The following ELL variants were observed in gnomAD, a reference collection of about 807,000 sequenced individuals.
ELL encodes the protein RNA polymerase II elongation factor ELL.
A neutral mutation model predicts 64.0 loss-of-function variants in ELL; 18 were observed. The ratio of observed to expected loss-of-function variants is 0.28; its 90% CI spans 0.19 to 0.42. The LOEUF (loss-of-function observed/expected upper bound fraction) is 0.42. ELL is among the 10% of genes least tolerant of loss of function. The probability of loss-of-function intolerance (pLI) is 1.00; values close to 1 mark genes in which losing one functional copy is unlikely to be tolerated. For missense variants in ELL, 797 were observed against 870.4 expected, an observed-to-expected ratio of 0.92 and a Z score of 1.06; for synonymous variants, 399 against 376.2, an observed-to-expected ratio of 1.06 and a Z score of -0.70.
intron 1 of ELL, among the ~76,000 whole-genome samples, chr19:18,520,467 C>T (rs940821910): frequency 6.6e-6 from 1 of 151,846 alleles, no homozygotes; most frequent in East Asian, 1.9e-4. Context: ...TGACAAGGTG[C>T]GAACTTGCTC....
chr19:18,468,922 T>C (rs1328001100), intron 2 of ELL, among the ~76,000 whole-genome samples: 2 of 152,222 alleles, frequency 1.3e-5, no homozygotes, highest in Admixed American at 6.5e-5. Flanking sequence ...CCCCCCTGCC[T>C]GAGCCTGCCC....
Position 18,465,779 on chromosome 19 carries a change from G to T in ELL, c.305+18C>A, listed in dbSNP as rs1016246424. On this transcript the variant is annotated intron_variant, in intron 3 of 11. Transcript: ENST00000262809. The stretch of plus-strand genomic sequence containing the variant: ...CTCAAGAGCCGGCGGGGTGCTCTGG[G>T]GTGGGGCGGCGCCTCACCTGGAGAC... The T allele has an allele frequency of 2.8e-6, 4 of 1,425,118 alleles. No homozygotes were observed. In the African/African-American group the frequency reaches 5.9e-5, roughly 21 times the overall value. The allele number at this position is 1,425,118 out of a possible 1,614,324, so 88.3% of individuals were successfully genotyped here.
chr19:18,445,137 C>A, intron 11 of ELL, 87 bp downstream of exon 11: 3 of 1,542,290 alleles, frequency 1.9e-6, no homozygotes, highest in South Asian at 1.1e-5. Context: ...TTGGAAGTAG[C>A]GGGCAGGGAG....
intron 10 of ELL, 148 bp from the exon 11 acceptor site, chr19:18,445,416 A>G (rs988012222): frequency 1.2e-6 from 1 of 804,904 alleles, no homozygotes; most frequent in Non-Finnish European, 2.1e-6. Flanking sequence ...AGGGGCCCAC[A>G]GCGGCTGTAG....
At chr19:18,507,781 G>A (rs966588657) in intron 1 of ELL, among the ~76,000 whole-genome samples, 10 of 152,192 alleles carry the variant, frequency 6.6e-5, no homozygotes, top group South Asian at 2.1e-4. Flanking sequence ...GAACAACCAC[G>A]CAGCTGAGGC....
chr19:18,462,465 C>A (rs1246815168), intron 4 of ELL, among the ~76,000 whole-genome samples: 4 of 151,152 alleles, frequency 2.6e-5, no homozygotes, highest in Non-Finnish European at 1.5e-5. Context: ...CTCATTGCAG[C>A]CCCAAACTTC....
chr19:18,450,614 G>A lies in ELL; in HGVS notation c.1328C>T (p.Pro443Leu). 5 of 1,610,788 alleles carry A rather than the reference G, an allele frequency of 3.1e-6. No homozygotes were observed. The highest frequency in any genetic ancestry group is 1.1e-5 in the South Asian group (1 of 90,860). ...CAQPSRPHGS[P>L]SRSKPKKKSK... ...CTTCTTCTTGGGCTTGCTGCGCGAG[G>A]GGCTGCCGTGTGGCCTGCTGGGCTG... Residue 443 changes from proline to leucine, a missense_variant, in exon 8 of 12, where the codon CCC becomes CTC. Transcript: ENST00000262809.
At chr19:18,446,596 G>A (rs1487938706) in intron 9 of ELL, 116 bp from the exon 10 acceptor site, 2 of 1,495,492 alleles carry the variant, frequency 1.3e-6, no homozygotes, top group Non-Finnish European at 1.8e-6. Flanking sequence ...CCTGGATTAT[G>A]AGGGGGCCTG....
At chr19:18,508,576 GC>G (rs141771875) in intron 1 of ELL, among the ~76,000 whole-genome samples, 119 of 152,370 alleles carry the variant, frequency 7.8e-4, no homozygotes, top group South Asian at 3.9e-3. Context: ...GGGCCTGGGA[GC>G]CCAAGGCCCG....
chr19:18,447,397 C>T (rs1475345614), intron 8 of ELL, among the ~76,000 whole-genome samples: 1 of 152,260 alleles, frequency 6.6e-6, no homozygotes. Context: ...TTCCACTAGA[C>T]ACTGAATTGC....
chr19:18,474,957 G>A (rs985618944), intron 1 of ELL, among the ~76,000 whole-genome samples: 1 of 152,110 alleles, frequency 6.6e-6, no homozygotes. Flanking sequence ...ACCCCCATCT[G>A]TACTAAAAAT....
At chr19:18,485,529 C>G (rs951666290) in intron 1 of ELL, among the ~76,000 whole-genome samples, 5 of 151,870 alleles carry the variant, frequency 3.3e-5, no homozygotes, top group Admixed American at 1.3e-4. Context: ...CTCCCAGGGC[C>G]AGGGAGACCA....
In ELL at chr19:18,450,469, G is replaced by A; in HGVS notation, c.1465+8C>T. On this transcript the variant is annotated splice_region_variant and intron_variant, in intron 8 of 11. Coordinates refer to ENST00000262809, the MANE Select transcript of ELL (RefSeq NM_006532.4). ...GCCCCGGCAACGCCCTCCTGCCTGGGCACCTACCTGGGGTGTCTGCTGGGG... is the reference window on the plus strand; with the variant it reads ...GCCCCGGCAACGCCCTCCTGCCTGGACACCTACCTGGGGTGTCTGCTGGGG... 1 of 1,610,652 alleles carries A rather than the reference G, an allele frequency of 6.2e-7. No individual in the cohort carries two copies. The highest frequency in any genetic ancestry group is 8.5e-7 in the Non-Finnish European group (1 of 1,178,424).
Position 18,475,330 on chromosome 19 carries a change from G to A in ELL, c.136-2448C>T, listed in dbSNP as rs147806005. Among the ~76,000 whole-genome samples the A allele has an allele frequency of 3.9e-3, 595 of 152,208 alleles. 5 individuals are homozygous for A. The highest frequency in any genetic ancestry group is 0.014 in the African/African-American group (564 of 41,516). ...CACTGAGATAGCTCTGTACCCATCA[G>A]AGCAGCTAATCTAAAAGAAGCTGAC... On this transcript the variant is annotated intron_variant, in intron 1 of 11. Transcript: ENST00000262809.
intron 6 of ELL, among the ~76,000 whole-genome samples, chr19:18,453,988 T>G (rs1024074677): frequency 6.6e-6 from 1 of 152,120 alleles, no homozygotes; most frequent in African/African-American, 2.4e-5. Context: ...GAAAGCAGAT[T>G]AGTAGTTACC....
chr19:18,459,377 AG>A (rs1304029928), intron 5 of ELL, among the ~76,000 whole-genome samples: 1 of 152,214 alleles, frequency 6.6e-6, no homozygotes, highest in Non-Finnish European at 1.5e-5. Flanking sequence ...GAGGGATCTG[AG>A]GAAGCTCCAG....
intron 6 of ELL, among the ~76,000 whole-genome samples, chr19:18,456,466 C>T (rs1312154217): frequency 1.3e-5 from 2 of 152,212 alleles, no homozygotes; most frequent in Non-Finnish European, 2.9e-5. Flanking sequence ...GCCCTGTCCT[C>T]AGAGAGGTGC....
intron 1 of ELL, among the ~76,000 whole-genome samples, chr19:18,479,746 A>T (rs111395099): frequency 1.3e-5 from 2 of 150,070 alleles, no homozygotes; most frequent in South Asian, 4.2e-4. Context: ...ATTGTTTTAA[A>T]AACTCTCCAG....
At position 18,443,993 on chromosome 19, in the gene ELL, AAC is replaced by A; in HGVS notation, c.*757_*758del. Reference sequence around the variant, plus strand: ...GCCGAGTCTCAACTTGGAGCACAGAAACACAGTGGCCCCCGACAGCTGAGGGC... The same window carrying A: ...GCCGAGTCTCAACTTGGAGCACAGAAACAGTGGCCCCCGACAGCTGAGGGC... On this transcript the variant is annotated 3_prime_UTR_variant, in exon 12 of 12. Coordinates refer to ENST00000262809, the MANE Select transcript of ELL (RefSeq NM_006532.4). 4.3e-6 allele frequency: 1 copy of A among 232,320 alleles called. No individual in the cohort carries two copies. The highest frequency in any genetic ancestry group is 8.5e-6 in the Non-Finnish European group (1 of 117,474). 14.4% of individuals were successfully genotyped at this position (232,320 alleles called of 1,614,324 possible).
Sources: gnomAD v4.1 joint callset for allele counts (sites outside exome capture counted in the v4.1 genomes callset) on GRCh38, gnomAD v4.1.1 for gene constraint, MANE v1.5 for transcripts, NCBI Gene and HGNC (gene_info 2026-07-23, HGNC 2026-07-21) for gene names.